Variants in MYLK observed in about 807,000 individuals in gnomAD.
The protein encoded by MYLK is myosin light chain kinase, smooth muscle.
In MYLK, 106 loss-of-function variants were observed where a neutral mutation model predicts 203.4. That is an observed-to-expected ratio of 0.52 (90% CI 0.45 to 0.61). The LOEUF is 0.61. Ranked by LOEUF, MYLK falls within the 20% of genes least tolerant of loss-of-function variation. The pLI is 0.00. For missense variants in MYLK, 2,072 were observed against 2,442.3 expected, an observed-to-expected ratio of 0.85 and a Z score of 3.20; for synonymous variants, 867 against 959.5, an observed-to-expected ratio of 0.90 and a Z score of 1.78.
At position 123,738,963 on chromosome 3, in the gene MYLK, T is replaced by C; in HGVS notation, c.522A>G (p.Glu174=). The C allele has an allele frequency of 6.2e-7, 1 of 1,613,540 alleles. No homozygotes were observed. The change falls in exon 7 of 34, where the codon GAA becomes GAG. Residue 174 remains glutamate, a synonymous_variant. Transcript: ENST00000360304. ...ATKLGRVVVK[E]GQMGRFSCKI... ...TGCAGGAGAATCGTCCCATCTGTCC[T>C]TCTTTGACCACAACTCGGCCCAGCT...
chr3:123,687,610 A>ACCTT (rs952453879), intron 19 of MYLK, among the ~76,000 whole-genome samples: 13 of 135,980 alleles, frequency 9.6e-5, no homozygotes, highest in East Asian at 2.3e-4. Flanking sequence ...CTTCCTTCCT[A>ACCTT]CCTTCATTCC....
At chr3:123,614,450 G>T (rs974037443) in intron 33 of MYLK, 101 bp from the exon 34 acceptor site, 1 of 1,447,408 alleles carries the variant, frequency 6.9e-7, no homozygotes. Flanking sequence ...GATTAAGGTG[G>T]TTAAGGAGAA....
chr3:123,649,675 A>G (rs2059143520), intron 24 of MYLK, among the ~76,000 whole-genome samples: 1 of 152,236 alleles, frequency 6.6e-6, no homozygotes. Flanking sequence ...TGGGCATTCA[A>G]AACATATTAC....
chr3:123,771,409 A>G (rs1445757165), intron 4 of MYLK, among the ~76,000 whole-genome samples: 1 of 152,156 alleles, frequency 6.6e-6, no homozygotes, highest in African/African-American at 2.4e-5. Flanking sequence ...TGAATGGCCT[A>G]GTAGGGTTTG....
chr3:123,700,859 C>T lies in MYLK; in HGVS notation c.2609G>A (p.Arg870Gln), dbSNP rs868374041. The T allele has an allele frequency of 7.4e-6, 12 of 1,613,628 alleles. No homozygotes were observed. The highest frequency in any genetic ancestry group is 3.3e-5 in the South Asian group (3 of 91,078). The change falls in exon 18 of 34, where the codon CGA (arginine) becomes CAA (glutamine). Residue 870 changes from arginine to glutamine, a missense_variant. This residue lies in a region of MYLK where 865 missense variants were observed against 1,016.0 expected (regional missense o/e 0.85). Coordinates refer to ENST00000360304, the MANE Select transcript of MYLK (RefSeq NM_053025.4). ...CTCCACGCGCCTCTTCAGCACCCCT[C>T]GCACGTCCTCGCCGTCTTCCTCCTC... ...WLEEEDGEDV[R>Q]GVLKRRVETR...
chr3:123,762,904 A>G (rs1388302540), intron 4 of MYLK, among the ~76,000 whole-genome samples: 1 of 152,148 alleles, frequency 6.6e-6, no homozygotes, highest in African/African-American at 2.4e-5. Flanking sequence ...TTTATAAATT[A>G]CTCGGTCTGT....
intron 3 of MYLK, among the ~76,000 whole-genome samples, chr3:123,809,588 T>C (rs555595819): frequency 2.6e-5 from 4 of 152,182 alleles, no homozygotes; most frequent in Non-Finnish European, 5.9e-5. Flanking sequence ...GTGCACATCC[T>C]GGCAGTCTCT....
At chr3:123,773,723 T>A (rs1024630321) in intron 4 of MYLK, among the ~76,000 whole-genome samples, 4 of 152,202 alleles carry the variant, frequency 2.6e-5, no homozygotes, top group Non-Finnish European at 5.9e-5. Context: ...CTTTGAACAG[T>A]ATCCTCATTC....
intron 24 of MYLK, among the ~76,000 whole-genome samples, chr3:123,649,593 CA>C (rs1306963956): frequency 1.3e-5 from 2 of 152,228 alleles, no homozygotes; most frequent in African/African-American, 2.4e-5. Context: ...GTGTCAAATC[CA>C]TGTAGCCATT....
At chr3:123,815,041 C>T (rs1221090163) in intron 3 of MYLK, among the ~76,000 whole-genome samples, 1 of 152,186 alleles carries the variant, frequency 6.6e-6, no homozygotes, top group Non-Finnish European at 1.5e-5. Flanking sequence ...GATTCACCCA[C>T]CTTGGCCTCC....
intron 20 of MYLK, among the ~76,000 whole-genome samples, chr3:123,671,294 G>A (rs1005033386): frequency 6.6e-6 from 1 of 152,256 alleles, no homozygotes; most frequent in African/African-American, 2.4e-5. Context: ...GAGACTGGAA[G>A]TGAAAGATTC....
At chr3:123,883,692 G>A (rs773095788) in intron 1 of MYLK, among the ~76,000 whole-genome samples, 5 of 152,198 alleles carry the variant, frequency 3.3e-5, no homozygotes, top group Non-Finnish European at 5.9e-5. Flanking sequence ...GGCAGAGCGA[G>A]GTAAGGAGCT....
rs776115724 is a variant in MYLK, at chr3:123,707,979, C to T, written c.2165G>A (p.Trp722Ter). Reference protein sequence around the residue: ...VQEPHDGTQPWFISKPRSVTA... With the variant: ...VQEPHDGTQP Reference sequence around the variant, plus strand: ...CACTGAGCGAGGCTTACTGATGAACCAGGGCTGGGTGCCATCGTGAGGCTC... The same window carrying T: ...CACTGAGCGAGGCTTACTGATGAACTAGGGCTGGGTGCCATCGTGAGGCTC... The change falls in exon 16 of 34, where the codon TGG (tryptophan) becomes TAG (stop). Residue 722 changes from tryptophan to a stop codon, truncating the protein, a stop_gained. Transcript: ENST00000360304. LOFTEE classifies it high-confidence loss of function. 21 of 1,614,132 alleles carry T rather than the reference C, an allele frequency of 1.3e-5. No homozygotes were observed. The highest frequency in any genetic ancestry group is 1.8e-5 in the Non-Finnish European group (21 of 1,180,020).
intron 23 of MYLK, among the ~76,000 whole-genome samples, chr3:123,663,633 A>G (rs2059638463): frequency 6.6e-6 from 1 of 152,102 alleles, no homozygotes; most frequent in Admixed American, 6.5e-5. Context: ...GGAGCCCCCA[A>G]GGACCTGGGG....
intron 5 of MYLK, among the ~76,000 whole-genome samples, chr3:123,745,394 A>C (rs2062984902): frequency 6.6e-6 from 1 of 152,318 alleles, no homozygotes; most frequent in Admixed American, 6.5e-5. Flanking sequence ...AGTGCCTAGA[A>C]CCAGAATTTC....
intron 3 of MYLK, among the ~76,000 whole-genome samples, chr3:123,805,989 C>T (rs990459922): frequency 2.6e-5 from 4 of 152,232 alleles, no homozygotes; most frequent in African/African-American, 9.6e-5. Context: ...ACTCAGGTTT[C>T]ACATTTCACT....
intron 31 of MYLK, chr3:123,621,420 T>C (rs893903529): frequency 1.3e-5 from 2 of 152,214 alleles, no homozygotes; most frequent in East Asian, 1.9e-4. Flanking sequence ...AGCCTCTTCA[T>C]AGGCAAATGG....
At chr3:123,840,370 T>TTATA (rs56361020) in intron 2 of MYLK, among the ~76,000 whole-genome samples, 91 of 148,710 alleles carry the variant, frequency 6.1e-4, no homozygotes, top group African/African-American at 2.1e-3. Context: ...CCTACAGACA[T>TTATA]TATATATATA....
rs139930269 is a variant in MYLK, at chr3:123,804,573, T to C, written c.-3-10729A>G. On this transcript the variant is annotated intron_variant, in intron 3 of 33. Transcript: ENST00000360304. ...CAGACTGTAGATCCCATGCCTTCTG[T>C]CTAAAATGGCCTGAAATACACACTG... is the stretch of plus-strand genomic sequence containing the variant. Among the ~76,000 whole-genome samples, 372 of 152,194 alleles carry C rather than the reference T, an allele frequency of 2.4e-3. 3 individuals carry two copies. Among genetic ancestry groups the C allele is most frequent in the African/African-American group, 8.3e-3 (346 of 41,508 alleles).
Sources: allele counts gnomAD v4.1 joint callset (sites outside exome capture counted in the v4.1 genomes callset), GRCh38; gene constraint gnomAD v4.1.1; regional missense constraint gnomAD v4.1.1; transcripts MANE v1.5; gene names NCBI Gene and HGNC (gene_info 2026-07-23, HGNC 2026-07-21).